Variants in LATS1 observed in about 807,000 individuals in gnomAD.
LATS1 encodes large tumor suppressor kinase 1.
Under a neutral mutation model 106.6 loss-of-function variants are expected in LATS1, and 25 were observed. The ratio of observed to expected loss-of-function variants is 0.23; its 90% confidence interval spans 0.17 to 0.33. The LOEUF (loss-of-function observed/expected upper bound fraction) is 0.33, where lower values mean the gene tolerates loss of function less well. Ranked by LOEUF, LATS1 falls within the 10% of genes least tolerant of loss-of-function variation. LATS1 has a pLI of 1.00. For missense variants in LATS1, 1,040 were observed against 1,382.6 expected, an observed-to-expected ratio of 0.75 and a Z score of 3.93; for synonymous variants, 465 against 455.6, an observed-to-expected ratio of 1.02 and a Z score of -0.26.
At position 149,658,375 on chromosome 6, in the gene LATS1, A is replaced by C. The variant is rs1780775175; in HGVS notation, c.*3354T>G. 6.6e-6 allele frequency: 1 copy of C among 152,194 alleles called. No homozygotes were observed. Among genetic ancestry groups the C allele is most frequent in the East Asian group, 1.9e-4 (1 of 5,204 alleles). The allele number at this position is 152,194 out of a possible 1,614,324, so 9.4% of individuals were successfully genotyped here. On this transcript the variant is annotated 3_prime_UTR_variant, in exon 8 of 8. Transcript: ENST00000543571. ...TTGCCACTGATTCAATTTTAATACA[A>C]AATACTTATATACACAATACAATAT...
intron 7 of LATS1, 154 bp downstream of exon 7, chr6:149,676,106 C>T: frequency 1.7e-6 from 1 of 596,060 alleles, no homozygotes; most frequent in Admixed American, 2.9e-5. Flanking sequence ...CCTGCCTCAG[C>T]CTCCCAAAGA....
chr6:149,687,216 G>A, intron 3 of LATS1, among the ~76,000 whole-genome samples: 1 of 150,224 alleles, frequency 6.7e-6, no homozygotes, highest in East Asian at 1.9e-4. Context: ...TCAGCCCCCT[G>A]TGTAGCTGGG....
intron 3 of LATS1, among the ~76,000 whole-genome samples, chr6:149,692,334 C>T (rs151152851): frequency 1.3e-5 from 2 of 152,228 alleles, no homozygotes; most frequent in East Asian, 1.9e-4. Flanking sequence ...CTCACTAAAC[C>T]CATTCCCATT....
chr6:149,667,101 T>A (rs1349969666), intron 7 of LATS1, among the ~76,000 whole-genome samples: 2 of 150,690 alleles, frequency 1.3e-5, no homozygotes, highest in East Asian at 3.9e-4. Context: ...AATAGCAGAG[T>A]GAAGATGTCA....
chr6:149,679,549 CAAAAAAA>C (rs57395928), intron 5 of LATS1, among the ~76,000 whole-genome samples: 3 of 66,200 alleles, frequency 4.5e-5, no homozygotes, highest in Non-Finnish European at 7.0e-5. Context: ...GAGACTCCAT[CAAAAAAA>C]AAAAAAAAAA....
intron 3 of LATS1, among the ~76,000 whole-genome samples, chr6:149,693,977 G>T (rs1279968439): frequency 6.6e-6 from 1 of 151,966 alleles, no homozygotes; most frequent in Non-Finnish European, 1.5e-5. Context: ...TGTAATCCCA[G>T]CTACTTGTGG....
At chr6:149,701,446 C>T (rs886175712) in intron 2 of LATS1, among the ~76,000 whole-genome samples, 1 of 152,160 alleles carries the variant, frequency 6.6e-6, no homozygotes, top group African/African-American at 2.4e-5. Flanking sequence ...ACTTAGTTCA[C>T]CAAGCTTGTA....
chr6:149,681,665 ATAGAAAT>A (rs1161034760), intron 4 of LATS1, among the ~76,000 whole-genome samples: 1 of 152,260 alleles, frequency 6.6e-6, no homozygotes, highest in Non-Finnish European at 1.5e-5. Flanking sequence ...AAAATATAAA[ATAGAAAT>A]AACAATACTG....
rs755986831 is a variant in LATS1, at chr6:149,717,984, G to A, written c.-276C>T. On this transcript the variant is annotated 5_prime_UTR_variant, in exon 1 of 8. Coordinates refer to ENST00000543571, the MANE Select transcript of LATS1 (RefSeq NM_004690.4). ...GGAGACGAACGGGGGGGCTGCCGCG[G>A]GCCAGCGCGGCCCGTCCCAGGGGTC... is the stretch of plus-strand genomic sequence containing the variant. The A allele has an allele frequency of 2.7e-6, 1 of 365,722 alleles. No individual in the cohort carries two copies. The highest frequency in any genetic ancestry group is 5.3e-6 in the Non-Finnish European group (1 of 190,212). 22.7% of individuals were successfully genotyped at this position (365,722 alleles called of 1,614,324 possible).
intron 2 of LATS1, among the ~76,000 whole-genome samples, chr6:149,700,451 T>C (rs563795388): frequency 6.6e-6 from 1 of 152,274 alleles, no homozygotes; most frequent in South Asian, 2.1e-4. Context: ...CCAGTTTGGG[T>C]GACTGAGCAA....
chr6:149,689,288 C>A (rs1161795437), intron 3 of LATS1, among the ~76,000 whole-genome samples: 1 of 151,748 alleles, frequency 6.6e-6, no homozygotes, highest in Non-Finnish European at 1.5e-5. Flanking sequence ...TGGATGGGAT[C>A]TAAGAGGTAG....
At chr6:149,674,755 T>C (rs1483900956) in intron 7 of LATS1, among the ~76,000 whole-genome samples, 1 of 151,106 alleles carries the variant, frequency 6.6e-6, no homozygotes, top group Non-Finnish European at 1.5e-5. Context: ...CAAAACCCTG[T>C]ATCTACAAAA....
intron 7 of LATS1, among the ~76,000 whole-genome samples, chr6:149,663,902 G>A (rs772113666): frequency 6.6e-6 from 1 of 151,684 alleles, no homozygotes; most frequent in Non-Finnish European, 1.5e-5. Flanking sequence ...CTGCCTCCTG[G>A]TTTCAAGCGA....
chr6:149,683,949 T>C lies in LATS1; in HGVS notation c.1140A>G (p.Ala380=), dbSNP rs748950227. 12 of 1,614,138 alleles carry C rather than the reference T, an allele frequency of 7.4e-6. No homozygotes were observed. The South Asian group carries it at 1.1e-4, about 15-fold the overall frequency. The change falls in exon 4 of 8, where the codon GCA becomes GCG. Residue 380 remains alanine (A), a synonymous_variant. Transcript: ENST00000543571. ...AAGCAGAAGGGCTTTGTCCATTAGC[T>C]GCTGTCAGAGGATATGGAGGTGGTG... The part of the protein sequence containing the change: ...RQPPPPYPLT[A]ANGQSPSALQ...
chr6:149,692,264 C>G (rs1782804433), intron 3 of LATS1, among the ~76,000 whole-genome samples: 1 of 152,190 alleles, frequency 6.6e-6, no homozygotes, highest in South Asian at 2.1e-4. Flanking sequence ...GTTCAGTGCT[C>G]CAAACATTTT....
rs899535134 is a variant in LATS1 at position 149,669,162 on chromosome 6, G to A, written c.2884-6924C>T. ...TGATTGATTGATTGATTGAGACGGC[G>A]TCTCTCTGTTACCCAGGCTGGAGTG... On this transcript the variant is annotated intron_variant, in intron 7 of 7. Coordinates refer to ENST00000543571, the MANE Select transcript of LATS1 (RefSeq NM_004690.4). 7.4e-5 allele frequency among the ~76,000 whole-genome samples: 11 copies of A among 149,208 alleles called. No individual in the cohort carries two copies. The East Asian group carries it at 1.0e-3, about 14-fold the overall frequency.
intron 1 of LATS1, among the ~76,000 whole-genome samples, chr6:149,708,248 C>G (rs557173418): frequency 2.0e-5 from 3 of 152,088 alleles, no homozygotes; most frequent in African/African-American, 4.8e-5. Context: ...AACCCCGTCT[C>G]TACTAAAAAC....
Position 149,660,478 on chromosome 6 carries a change from A to G in LATS1, c.*1251T>C. On this transcript the variant is annotated 3_prime_UTR_variant, in exon 8 of 8. Coordinates refer to ENST00000543571, the MANE Select transcript of LATS1 (RefSeq NM_004690.4). ...CTTTTGATAAAAACAATCCCTTATCAGTGGAGCTTAAGAAAAGGAAATAAA... is the reference window on the plus strand; with the variant it reads ...CTTTTGATAAAAACAATCCCTTATCGGTGGAGCTTAAGAAAAGGAAATAAA... The G allele has an allele frequency of 8.6e-6, 2 of 233,140 alleles. No individual in the cohort carries two copies. The highest frequency in any genetic ancestry group is 1.7e-5 in the Non-Finnish European group (2 of 117,984). 14.4% of individuals were successfully genotyped at this position (233,140 alleles called of 1,614,324 possible).
chr6:149,673,860 A>G (rs1781569148), intron 7 of LATS1, among the ~76,000 whole-genome samples: 1 of 151,616 alleles, frequency 6.6e-6, no homozygotes, highest in African/African-American at 2.4e-5. Flanking sequence ...TTTTTAGTAG[A>G]GACGGGGTTT....
Sources: allele counts gnomAD v4.1 joint callset (sites outside exome capture counted in the v4.1 genomes callset), GRCh38; gene constraint gnomAD v4.1.1; transcripts MANE v1.5; gene names NCBI Gene and HGNC (gene_info 2026-07-23, HGNC 2026-07-21).